The following KCTD16 variants were observed in gnomAD, a reference collection of about 807,000 sequenced individuals.
The protein encoded by KCTD16 is BTB/POZ domain-containing protein KCTD16.
In KCTD16, 13 loss-of-function variants were observed where a neutral mutation model predicts 33.2. That is an observed-to-expected ratio of 0.39 (90% CI 0.25 to 0.62). The LOEUF (loss-of-function observed/expected upper bound fraction) is 0.62. Ranked by LOEUF, KCTD16 falls within the 20% of genes least tolerant of loss-of-function variation. The probability of loss-of-function intolerance (pLI) is 0.50; values close to 1 mark genes in which losing one functional copy is unlikely to be tolerated. For missense variants in KCTD16, 441 were observed against 525.1 expected (o/e 0.84, Z 1.57); for synonymous variants, 197 against 195.3 (o/e 1.01, Z -0.07).
chr5:144,176,697 C>T (rs988376676), intron 2 of KCTD16, among the ~76,000 whole-genome samples: 17 of 152,062 alleles, frequency 1.1e-4, no homozygotes, highest in Non-Finnish European at 2.2e-4. Context: ...CCACCGCGCC[C>T]GGCCAAGATA....
chr5:144,322,126 A>G (rs1752087443), intron 3 of KCTD16, among the ~76,000 whole-genome samples: 4 of 152,048 alleles, frequency 2.6e-5, no homozygotes. Context: ...GATTTTTTTT[A>G]TTGTCCTGAG....
intron 3 of KCTD16, among the ~76,000 whole-genome samples, chr5:144,424,228 C>T (rs145444228): frequency 6.6e-5 from 10 of 152,262 alleles, no homozygotes; most frequent in African/African-American, 2.4e-4. Context: ...TTGTACTTCA[C>T]TATATTGGTC....
In KCTD16 at chr5:144,287,402, T is replaced by G. The variant is rs192343912; in HGVS notation, c.832+79856T>G. ...CAATTGATCGTTATGCTCCTTGTGG[T>G]TGGAAGACTGTTCATGCATTCTTAC... On this transcript the variant is annotated intron_variant, in intron 3 of 3. Coordinates refer to ENST00000512467, the MANE Select transcript of KCTD16 (RefSeq NM_020768.4). Among the ~76,000 whole-genome samples the G allele has an allele frequency of 5.9e-5, 9 of 151,488 alleles. No individual in the cohort carries two copies. The East Asian group carries it at 1.7e-3, about 29-fold the overall frequency.
intron 3 of KCTD16, among the ~76,000 whole-genome samples, chr5:144,431,844 C>T (rs760291750): frequency 2.0e-5 from 3 of 152,040 alleles, no homozygotes; most frequent in African/African-American, 7.2e-5. Flanking sequence ...GGAAAAATTG[C>T]CTGGGCTTAC....
intron 3 of KCTD16, among the ~76,000 whole-genome samples, chr5:144,378,287 A>G (rs1457001968): frequency 1.3e-5 from 2 of 152,224 alleles, no homozygotes; most frequent in African/African-American, 4.8e-5. Flanking sequence ...TTCCAGACAC[A>G]GAGATGAAAT....
At chr5:144,214,713 GA>G (rs1342458095) in intron 3 of KCTD16, among the ~76,000 whole-genome samples, 2 of 152,044 alleles carry the variant, frequency 1.3e-5, no homozygotes, top group Non-Finnish European at 2.9e-5. Flanking sequence ...CTTCTTCTGG[GA>G]AGACTTTCCT....
chr5:144,203,188 ATTC>A (rs1459060502), intron 2 of KCTD16, among the ~76,000 whole-genome samples: 1 of 152,084 alleles, frequency 6.6e-6, no homozygotes, highest in Non-Finnish European at 1.5e-5. Flanking sequence ...AATTCAGAAT[ATTC>A]TTCTTTTATA....
chr5:144,273,653 TAAGTA>T (rs1170591558), intron 3 of KCTD16, among the ~76,000 whole-genome samples: 2 of 151,004 alleles, frequency 1.3e-5, no homozygotes, highest in Non-Finnish European at 2.9e-5. Flanking sequence ...AACATTCTAC[TAAGTA>T]AAATAAGCTA....
chr5:144,204,120 A>G (rs569728293), intron 2 of KCTD16, among the ~76,000 whole-genome samples: 114 of 152,376 alleles, frequency 7.5e-4, no homozygotes, highest in Non-Finnish European at 1.3e-3. Flanking sequence ...AAAGATTGTT[A>G]AAGTAGAAAC....
At chr5:144,432,659 A>G (rs79370521) in intron 3 of KCTD16, among the ~76,000 whole-genome samples, 8,128 of 152,116 alleles carry the variant, frequency 0.053, 750 homozygotes, top group African/African-American at 0.19. Flanking sequence ...GTGTGTGTAT[A>G]TATCAGGGAA....
intron 3 of KCTD16, among the ~76,000 whole-genome samples, chr5:144,461,930 T>A (rs1754204643): frequency 6.6e-6 from 1 of 152,202 alleles, no homozygotes; most frequent in Admixed American, 6.5e-5. Flanking sequence ...CCAGAAAGAC[T>A]GCCAGAACTT....
chr5:144,458,298 G>A (rs1388690145), intron 3 of KCTD16, among the ~76,000 whole-genome samples: 2 of 152,062 alleles, frequency 1.3e-5, no homozygotes, highest in South Asian at 2.1e-4. Flanking sequence ...AGTGTAGTGC[G>A]ATTTATAGTG....
intron 2 of KCTD16, among the ~76,000 whole-genome samples, chr5:144,200,553 A>G (rs1354581386): frequency 1.3e-5 from 2 of 152,150 alleles, no homozygotes; most frequent in Non-Finnish European, 2.9e-5. Flanking sequence ...GCTGTATTTG[A>G]TCTTTATTTT....
chr5:144,198,113 C>G (rs79870340), intron 2 of KCTD16, among the ~76,000 whole-genome samples: 53 of 152,276 alleles, frequency 3.5e-4, no homozygotes, highest in African/African-American at 1.2e-3. Context: ...AAGATCCCTG[C>G]TAGCATGTAG....
intron 3 of KCTD16, among the ~76,000 whole-genome samples, chr5:144,212,264 A>C (rs1000039990): frequency 6.6e-6 from 1 of 152,160 alleles, no homozygotes; most frequent in African/African-American, 2.4e-5. Flanking sequence ...ACAGTGATTT[A>C]AGCATGTTAG....
rs1249015119 is a variant in KCTD16 at position 144,476,649 on chromosome 5, G to A, written c.*2535G>A. On this transcript the variant is annotated 3_prime_UTR_variant, in exon 4 of 4. Coordinates refer to ENST00000512467, the MANE Select transcript of KCTD16 (RefSeq NM_020768.4). ...AACAGCATGGCATTTATTTGTGTGAGTGTTTATATAGAAATGAACATAGAC... is the reference window on the plus strand; with the variant it reads ...AACAGCATGGCATTTATTTGTGTGAATGTTTATATAGAAATGAACATAGAC... 1 of 152,090 alleles carries A rather than the reference G, an allele frequency of 6.6e-6. No individual in the cohort carries two copies. The highest frequency in any genetic ancestry group is 1.5e-5 in the Non-Finnish European group (1 of 68,026). The allele number at this position is 152,090 out of a possible 1,614,324, so 9.4% of individuals were successfully genotyped here. A position where few individuals can be genotyped will look rare whatever the true frequency, so the allele number is the denominator to read the frequency against.
chr5:144,467,880 T>G (rs349686), intron 3 of KCTD16, among the ~76,000 whole-genome samples: 65,264 of 151,838 alleles, frequency 0.43, 14,250 homozygotes, highest in East Asian at 0.67. Context: ...ATGCCAGGAC[T>G]GGGATTTGGG....
At chr5:144,460,588 T>C (rs1754172740) in intron 3 of KCTD16, among the ~76,000 whole-genome samples, 1 of 152,134 alleles carries the variant, frequency 6.6e-6, no homozygotes, top group Admixed American at 6.6e-5. Context: ...ATTACAGGCA[T>C]AGGCCACCAC....
chr5:144,428,744 C>T (rs1753392056), intron 3 of KCTD16, among the ~76,000 whole-genome samples: 3 of 152,166 alleles, frequency 2.0e-5, no homozygotes, highest in Admixed American at 2.0e-4. Flanking sequence ...GGGAGGTACA[C>T]TCCCAGGGTG....
Sources: allele counts gnomAD v4.1 joint callset (sites outside exome capture counted in the v4.1 genomes callset), GRCh38; gene constraint gnomAD v4.1.1; transcripts MANE v1.5; gene names NCBI Gene and HGNC (gene_info 2026-07-23, HGNC 2026-07-21).